The following DPYD variants were observed in gnomAD, a reference collection of about 807,000 sequenced individuals.
DPYD encodes the protein dihydropyrimidine dehydrogenase [NADP(+)].
In DPYD, 109 loss-of-function variants were observed where a neutral mutation model predicts 116.2. The observed-to-expected ratio is 0.94, with a 90% confidence interval of 0.80 to 1.10. The LOEUF (loss-of-function observed/expected upper bound fraction) is 1.10. Ranked by LOEUF, DPYD falls within the 50% of genes least tolerant of loss-of-function variation. The probability of loss-of-function intolerance (pLI) is 0.00; values close to 1 mark genes in which losing one functional copy is unlikely to be tolerated. For synonymous variants in DPYD, 440 were observed against 432.0 expected (o/e 1.02, Z -0.23); for missense variants, 1,302 against 1,254.5 (o/e 1.04, Z -0.57).
chr1:97,893,324 G>A (rs1672867772), intron 1 of DPYD, among the ~76,000 whole-genome samples: 1 of 150,274 alleles, frequency 6.7e-6, no homozygotes, highest in Non-Finnish European at 1.5e-5. Context: ...CCTAAGCCCT[G>A]CAATTTCAAA....
chr1:97,356,132 G>A (rs1233554165), intron 16 of DPYD, among the ~76,000 whole-genome samples: 3 of 152,130 alleles, frequency 2.0e-5, no homozygotes, highest in Admixed American at 1.3e-4. Context: ...TCTGACAGGT[G>A]TGAGTGATAT....
intron 12 of DPYD, among the ~76,000 whole-genome samples, chr1:97,516,805 A>G (rs1648265567): frequency 1.3e-5 from 2 of 151,916 alleles, no homozygotes; most frequent in Non-Finnish European, 2.9e-5. Flanking sequence ...TTTTGTTTGT[A>G]AAGTGTCTCT....
At chr1:97,499,138 T>C (rs1679434957) in intron 13 of DPYD, among the ~76,000 whole-genome samples, 1 of 151,734 alleles carries the variant, frequency 6.6e-6, no homozygotes, top group Non-Finnish European at 1.5e-5. Context: ...CCTCAGGAGA[T>C]ATATCTTTAA....
At chr1:97,463,686 G>T (rs1677145543) in intron 13 of DPYD, among the ~76,000 whole-genome samples, 1 of 152,314 alleles carries the variant, frequency 6.6e-6, no homozygotes, top group African/African-American at 2.4e-5. Flanking sequence ...TAAGGGCAAT[G>T]AAATTCAGGC....
chr1:97,792,279 ATTTTT>A (rs551797517), intron 3 of DPYD, among the ~76,000 whole-genome samples: 1 of 146,720 alleles, frequency 6.8e-6, no homozygotes, highest in Non-Finnish European at 1.5e-5. Context: ...TTTTTATTTT[ATTTTT>A]TTTTTTTGAG....
chr1:97,679,261 GA>G, intron 7 of DPYD, 79 bp from the exon 8 acceptor site: 1 of 770,064 alleles, frequency 1.3e-6, no homozygotes, highest in Non-Finnish European at 2.1e-6. Flanking sequence ...CAAAAAGAAT[GA>G]AAAGTCAGCC....
chr1:97,333,995 T>C (rs928201690), intron 16 of DPYD, among the ~76,000 whole-genome samples: 11 of 152,202 alleles, frequency 7.2e-5, no homozygotes, highest in Non-Finnish European at 1.5e-4. Context: ...TTTACGTTAA[T>C]AGCATTATAA....
intron 11 of DPYD, among the ~76,000 whole-genome samples, chr1:97,563,494 A>G (rs115807698): frequency 0.014 from 2,144 of 152,230 alleles, 25 homozygotes; most frequent in Middle Eastern, 0.027. Flanking sequence ...CCCTAACAAA[A>G]CTTGTTACAT....
chr1:97,817,037 C>T (rs1984090), intron 3 of DPYD, among the ~76,000 whole-genome samples: 13 of 152,166 alleles, frequency 8.5e-5, no homozygotes, highest in Middle Eastern at 3.4e-3. Flanking sequence ...GGTCTGCAAA[C>T]TACAACACAA....
At chr1:97,249,679 T>A (rs1662954697) in intron 18 of DPYD, among the ~76,000 whole-genome samples, 1 of 152,002 alleles carries the variant, frequency 6.6e-6, no homozygotes, top group Non-Finnish European at 1.5e-5. Flanking sequence ...GAAAAAAATA[T>A]ATTCACACAC....
chr1:97,477,508 T>A (rs374198474), intron 13 of DPYD, among the ~76,000 whole-genome samples: 5 of 152,200 alleles, frequency 3.3e-5, no homozygotes, highest in East Asian at 3.9e-4. Flanking sequence ...GGGTTATTAA[T>A]TGGCCTAATT....
chr1:97,316,817 C>A (rs545282462), intron 16 of DPYD, among the ~76,000 whole-genome samples: 1 of 151,924 alleles, frequency 6.6e-6, no homozygotes, highest in Admixed American at 6.6e-5. Context: ...TACCTTGCAC[C>A]CAAAATTGAT....
At chr1:97,091,611 T>C (rs1649901171) in intron 21 of DPYD, among the ~76,000 whole-genome samples, 1 of 152,194 alleles carries the variant, frequency 6.6e-6, no homozygotes, top group African/African-American at 2.4e-5. Context: ...AGATGTGGTC[T>C]GAAATAATGG....
At chr1:97,524,640 C>A (rs978050685) in intron 12 of DPYD, among the ~76,000 whole-genome samples, 3 of 152,168 alleles carry the variant, frequency 2.0e-5, no homozygotes, top group African/African-American at 2.4e-5. Flanking sequence ...ATCCAGGAAG[C>A]CTCACCTCTG....
chr1:97,161,949 A>AT (rs929751635), intron 20 of DPYD, among the ~76,000 whole-genome samples: 114 of 151,884 alleles, frequency 7.5e-4, no homozygotes, highest in African/African-American at 2.6e-3. Flanking sequence ...TATGTGCCAC[A>AT]TTTTTTTAAT....
intron 2 of DPYD, among the ~76,000 whole-genome samples, chr1:97,831,513 T>C (rs1402151632): frequency 6.6e-6 from 1 of 152,114 alleles, no homozygotes; most frequent in Non-Finnish European, 1.5e-5. Context: ...TGTAAGTTAG[T>C]ATAGGACTGT....
intron 13 of DPYD, among the ~76,000 whole-genome samples, chr1:97,468,123 T>C (rs537810868): frequency 2.6e-5 from 4 of 152,362 alleles, no homozygotes; most frequent in South Asian, 4.1e-4. Flanking sequence ...TGAGTGTGTC[T>C]ATGTTCCAAT....
At chr1:97,486,974 T>C (rs1185585946) in intron 13 of DPYD, among the ~76,000 whole-genome samples, 1 of 151,940 alleles carries the variant, frequency 6.6e-6, no homozygotes, top group Non-Finnish European at 1.5e-5. Flanking sequence ...GAAATAGCCA[T>C]GCAAATATTA....
At chr1:97,779,975 GCCT>G (rs1215831243) in intron 3 of DPYD, among the ~76,000 whole-genome samples, 2 of 152,124 alleles carry the variant, frequency 1.3e-5, no homozygotes, top group Non-Finnish European at 2.9e-5. Context: ...TTTATTGGGT[GCCT>G]AATATATAAT....
Sources: allele counts gnomAD v4.1 joint callset (sites outside exome capture counted in the v4.1 genomes callset), GRCh38; gene constraint gnomAD v4.1.1; transcripts MANE v1.5; gene names NCBI Gene and HGNC (gene_info 2026-07-23, HGNC 2026-07-21).